The following NCALD variants were observed in gnomAD, a reference collection of about 807,000 sequenced individuals.
The protein encoded by NCALD is neurocalcin delta, also known as neurocalcin-delta.
NCALD carries 10 observed loss-of-function variants against 18.6 expected under a neutral mutation model. The observed-to-expected ratio is 0.54, with a 90% confidence interval of 0.33 to 0.91. NCALD has a LOEUF of 0.91. Ranked by LOEUF, NCALD falls within the 40% of genes least tolerant of loss-of-function variation. The pLI is 0.03. For missense variants in NCALD, 184 were observed against 247.6 expected (o/e 0.74, Z 1.72); for synonymous variants, 88 against 87.4 (o/e 1.01, Z -0.04).
rs572182606 is a variant in NCALD at position 101,804,431 on chromosome 8, AATAT to A, written c.-20+82706_-20+82709del. On this transcript the variant is annotated intron_variant, in intron 4 of 6. Coordinates refer to the NCALD transcript ENST00000311028. ...CTAAATATATACTATTTATAACTGT[AATAT>A]ATAATTGATATAATTAATTATATAA... Among the ~76,000 whole-genome samples, 999 of 132,998 alleles carry A rather than the reference AATAT, an allele frequency of 7.5e-3. 18 individuals carry two copies. Among genetic ancestry groups the A allele is most frequent in the African/African-American group, 0.024 (851 of 35,054 alleles). 87.3% of individuals were successfully genotyped at this position (132,998 alleles called of 152,430 possible).
chr8:101,821,857 T>C (rs1198627915), intron 4 of NCALD, among the ~76,000 whole-genome samples: 4 of 137,256 alleles, frequency 2.9e-5, no homozygotes, highest in Non-Finnish European at 4.6e-5. Flanking sequence ...TCTTCCCATA[T>C]CCAGGAACCT....
chr8:101,783,984 C>T (rs1812118803), intron 1 of NCALD, among the ~76,000 whole-genome samples: 1 of 152,100 alleles, frequency 6.6e-6, no homozygotes. Context: ...TTCTAATTAC[C>T]CAAATGTCCC....
At chr8:101,914,334 T>C (rs1447998700) in intron 3 of NCALD, among the ~76,000 whole-genome samples, 1 of 152,036 alleles carries the variant, frequency 6.6e-6, no homozygotes, top group Non-Finnish European at 1.5e-5. Flanking sequence ...AAAGGCAAAG[T>C]GCCCTTCTCA....
At chr8:101,726,574 A>G (rs1816582845) in intron 1 of NCALD, among the ~76,000 whole-genome samples, 1 of 152,198 alleles carries the variant, frequency 6.6e-6, no homozygotes, top group Non-Finnish European at 1.5e-5. Flanking sequence ...ATTTATAGAA[A>G]TGGGGAAAAT....
At chr8:101,804,018 C>A (rs1253915360) in intron 4 of NCALD, among the ~76,000 whole-genome samples, 1 of 151,910 alleles carries the variant, frequency 6.6e-6, no homozygotes, top group East Asian at 1.9e-4. Flanking sequence ...CCATAGCCAC[C>A]CCAACCTTCA....
At chr8:101,993,895 T>C (rs1821142142) in intron 2 of NCALD, among the ~76,000 whole-genome samples, 1 of 152,214 alleles carries the variant, frequency 6.6e-6, no homozygotes, top group African/African-American at 2.4e-5. Flanking sequence ...ATGAATAGCA[T>C]CTTCCTTATA....
intron 1 of NCALD, among the ~76,000 whole-genome samples, chr8:102,056,510 C>T (rs893106121): frequency 1.3e-5 from 2 of 152,216 alleles, no homozygotes; most frequent in Admixed American, 1.3e-4. Flanking sequence ...TGGGTGGATA[C>T]ACGATTGAAC....
At chr8:102,086,980 C>T (rs754842756) in intron 1 of NCALD, among the ~76,000 whole-genome samples, 7 of 152,204 alleles carry the variant, frequency 4.6e-5, no homozygotes, top group Non-Finnish European at 8.8e-5. Context: ...CAGGAACTTA[C>T]CCTATATGGT....
At position 102,106,462 on chromosome 8, in the gene NCALD, T is replaced by C. The variant is rs559511466; in HGVS notation, c.-210+17775A>G. Among the ~76,000 whole-genome samples the C allele has an allele frequency of 1.9e-3, 268 of 142,510 alleles. 2 individuals are homozygous for C. Among genetic ancestry groups the C allele is most frequent in the African/African-American group, 6.2e-3 (234 of 37,664 alleles). The allele number at this position is 142,510 out of a possible 152,430, so 93.5% of individuals were successfully genotyped here. A position where few individuals can be genotyped will look rare whatever the true frequency, so the allele number is the denominator to read the frequency against. ...AGCATATAGTATATATATATATATA[T>C]ATATACACACACACACACACACACA... On this transcript the variant is annotated intron_variant, in intron 1 of 6. Transcript: ENST00000311028.
chr8:101,811,446 A>G (rs990336588), intron 4 of NCALD, among the ~76,000 whole-genome samples: 1 of 152,186 alleles, frequency 6.6e-6, no homozygotes, highest in African/African-American at 2.4e-5. Flanking sequence ...ACCTTAGCCC[A>G]GTGAGACCAT....
chr8:101,900,336 T>C (rs1272264945), intron 3 of NCALD, among the ~76,000 whole-genome samples: 1 of 151,902 alleles, frequency 6.6e-6, no homozygotes, highest in African/African-American at 2.4e-5. Flanking sequence ...TGTAGTTTTA[T>C]TAATTTCTGC....
intron 2 of NCALD, among the ~76,000 whole-genome samples, chr8:102,005,893 G>A (rs1300372399): frequency 4.5e-5 from 6 of 133,034 alleles, no homozygotes; most frequent in East Asian, 2.5e-4. Context: ...TGGGGGGGCA[G>A]GGGGGAGGGA....
intron 1 of NCALD, among the ~76,000 whole-genome samples, chr8:102,109,908 TAG>T (rs1036335126): frequency 6.6e-6 from 1 of 152,350 alleles, no homozygotes; most frequent in African/African-American, 2.4e-5. Context: ...TTACTTAATA[TAG>T]AGTTTTTTTC....
At chr8:101,739,411 T>G (rs1349510825) in intron 1 of NCALD, among the ~76,000 whole-genome samples, 1 of 152,206 alleles carries the variant, frequency 6.6e-6, no homozygotes, top group Non-Finnish European at 1.5e-5. Flanking sequence ...TAATATTGAG[T>G]GTCAACTTGA....
At chr8:101,866,138 T>C (rs1411161726) in intron 4 of NCALD, among the ~76,000 whole-genome samples, 8 of 152,232 alleles carry the variant, frequency 5.3e-5, no homozygotes, top group Admixed American at 5.2e-4. Flanking sequence ...CTCCATTAAC[T>C]TCCATGTTGC....
chr8:102,087,233 C>T (rs1248803200), intron 1 of NCALD, among the ~76,000 whole-genome samples: 1 of 152,142 alleles, frequency 6.6e-6, no homozygotes, highest in Non-Finnish European at 1.5e-5. Flanking sequence ...CCAGTAACAT[C>T]CTTCTGGCAA....
chr8:101,703,152 C>T (rs1197100931), intron 2 of NCALD, among the ~76,000 whole-genome samples: 1 of 147,710 alleles, frequency 6.8e-6, no homozygotes, highest in South Asian at 2.1e-4. Context: ...CTCTGTTCCT[C>T]TTTTTTTTTT....
At chr8:101,989,266 G>T (rs1339814115) in intron 2 of NCALD, among the ~76,000 whole-genome samples, 1 of 152,130 alleles carries the variant, frequency 6.6e-6, no homozygotes, top group Non-Finnish European at 1.5e-5. Flanking sequence ...GTTTTCAAAA[G>T]GAGCTAAAAT....
rs957066493 is a variant in NCALD, at chr8:102,054,332, T to G, written c.-209-34043A>C. Reference sequence around the variant, plus strand: ...GGTTATTTTTTTGGATGGGATTAGCTTTTTAAATCCGTAAATTAGAGTAAA... The same window carrying G: ...GGTTATTTTTTTGGATGGGATTAGCGTTTTAAATCCGTAAATTAGAGTAAA... On this transcript the variant is annotated intron_variant, in intron 1 of 6. Transcript: ENST00000311028. 1.1e-4 allele frequency among the ~76,000 whole-genome samples: 16 copies of G among 152,194 alleles called. 1 individual carries two copies. The highest frequency in any genetic ancestry group is 7.7e-4 in the East Asian group (4 of 5,198).
Sources: allele counts gnomAD v4.1 joint callset (sites outside exome capture counted in the v4.1 genomes callset), GRCh38; gene constraint gnomAD v4.1.1; transcripts MANE v1.5; gene names NCBI Gene and HGNC (gene_info 2026-07-23, HGNC 2026-07-21).